Variants in MYO5B observed in about 807,000 individuals in gnomAD.
MYO5B encodes myosin VB, also known as unconventional myosin-Vb.
A neutral mutation model predicts 229.3 loss-of-function variants in MYO5B; 143 were observed. The ratio of observed to expected loss-of-function variants is 0.62; its 90% CI spans 0.54 to 0.72. The LOEUF (loss-of-function observed/expected upper bound fraction) is 0.72, where lower values mean the gene tolerates loss of function less well. Ranked by LOEUF, MYO5B falls within the 30% of genes least tolerant of loss-of-function variation. MYO5B has a pLI of 0.00. For synonymous variants in MYO5B, 918 were observed against 885.2 expected, an observed-to-expected ratio of 1.04 and a Z score of -0.66; for missense variants, 2,321 against 2,331.0, an observed-to-expected ratio of 1.00 and a Z score of 0.09.
intron 1 of MYO5B, among the ~76,000 whole-genome samples, chr18:50,058,190 G>T (rs1198998923): frequency 6.6e-6 from 1 of 152,216 alleles, no homozygotes; most frequent in Admixed American, 6.5e-5. Flanking sequence ...TTGAAGGCCA[G>T]GTGCAGTGGC....
chr18:50,141,611 C>T (rs531133694), intron 1 of MYO5B, among the ~76,000 whole-genome samples: 3 of 152,320 alleles, frequency 2.0e-5, no homozygotes, highest in Non-Finnish European at 4.4e-5. Context: ...CATACCCTAC[C>T]CTATGCATGA....
At chr18:49,955,684 A>G (rs1249085467) in intron 12 of MYO5B, among the ~76,000 whole-genome samples, 3 of 152,264 alleles carry the variant, frequency 2.0e-5, no homozygotes, top group African/African-American at 7.2e-5. Flanking sequence ...TAAACACCAT[A>G]GGAAATTCAA....
At chr18:49,835,919 T>G (rs1430215455) in intron 38 of MYO5B, among the ~76,000 whole-genome samples, 1 of 152,172 alleles carries the variant, frequency 6.6e-6, no homozygotes, top group Non-Finnish European at 1.5e-5. Flanking sequence ...ACTGCCCAAA[T>G]GCAATGCCAG....
At chr18:50,024,684 C>T (rs2026311951) in intron 4 of MYO5B, among the ~76,000 whole-genome samples, 1 of 152,100 alleles carries the variant, frequency 6.6e-6, no homozygotes, top group African/African-American at 2.4e-5. Flanking sequence ...TGCTTTTAAG[C>T]CTGTCCACTG....
chr18:50,185,028 T>C lies in MYO5B; in HGVS notation c.27+9739A>G, dbSNP rs573346417. ...AGATTGAGGCTGTAGTGAGCCATGA[T>C]TGCACCACCACACACACTCCAGCCT... On this transcript the variant is annotated intron_variant, in intron 1 of 39. Coordinates refer to ENST00000285039, the MANE Select transcript of MYO5B (RefSeq NM_001080467.3). Among the ~76,000 whole-genome samples, 5 of 151,932 alleles carry C rather than the reference T, an allele frequency of 3.3e-5. No individual in the cohort carries two copies. In the East Asian group the frequency reaches 7.7e-4, roughly 23 times the overall value.
chr18:49,974,670 C>T (rs1260265482), intron 9 of MYO5B, 55 bp from the exon 10 acceptor site: 17 of 1,579,556 alleles, frequency 1.1e-5, no homozygotes, highest in Non-Finnish European at 1.4e-5. Context: ...AAGCCGCCCC[C>T]CACCAATGTC....
At chr18:50,058,672 G>T (rs767035776) in intron 1 of MYO5B, among the ~76,000 whole-genome samples, 32 of 152,084 alleles carry the variant, frequency 2.1e-4, no homozygotes, top group Non-Finnish European at 4.3e-4. Flanking sequence ...TTAGCCGGGC[G>T]TGGTGGCGGG....
intron 7 of MYO5B, among the ~76,000 whole-genome samples, chr18:49,988,658 T>A (rs1195664470): frequency 1.3e-4 from 20 of 152,140 alleles, no homozygotes; most frequent in South Asian, 2.1e-4. Flanking sequence ...GGGAAAAAAA[T>A]TTCACCTCCT....
chr18:49,946,199 G>A (rs1361811297), intron 14 of MYO5B: 1 of 151,990 alleles, frequency 6.6e-6, no homozygotes, highest in East Asian at 1.9e-4. Flanking sequence ...AGAATTTTGA[G>A]ACCAGAAGTG....
chr18:49,864,198 G>A lies in MYO5B; in HGVS notation c.3786C>T (p.Leu1262=). Residue 1262 remains leucine (L), a synonymous_variant, in exon 28 of 40, where the codon CTC becomes CTT. Transcript: ENST00000285039. ...CGCTCACGATCTGGGTCCTGAGGAT[G>A]AGCACCTCCTCCTTGCGCACCTCGA... The part of the protein sequence containing the change: ...EELEVRKEEV[L]ILRTQIVSAD... The A allele has an allele frequency of 6.2e-7, 1 of 1,613,420 alleles. No individual in the cohort carries two copies. The highest frequency in any genetic ancestry group is 8.5e-7 in the Non-Finnish European group (1 of 1,180,038).
chr18:49,836,981 G>C (rs934710260), intron 37 of MYO5B, 96 bp from the exon 38 acceptor site: 22 of 1,190,188 alleles, frequency 1.8e-5, no homozygotes, highest in Non-Finnish European at 2.6e-5. Context: ...GCTGCAGCTA[G>C]TGCCATTATT....
intron 1 of MYO5B, among the ~76,000 whole-genome samples, chr18:50,177,292 T>TATTACC (rs1394034279): frequency 6.6e-6 from 1 of 152,158 alleles, no homozygotes; most frequent in Admixed American, 6.5e-5. Context: ...ATACTTTGAA[T>TATTACC]ATTACCGTGT....
intron 1 of MYO5B, among the ~76,000 whole-genome samples, chr18:50,187,192 T>G (rs956267463): frequency 6.6e-6 from 1 of 152,230 alleles, no homozygotes. Flanking sequence ...TCCCTTGCCC[T>G]TAATAAAACA....
chr18:49,903,036 A>G (rs1042019147), intron 20 of MYO5B, among the ~76,000 whole-genome samples: 1 of 152,202 alleles, frequency 6.6e-6, no homozygotes, highest in Non-Finnish European at 1.5e-5. Flanking sequence ...ACATATCCAC[A>G]GGGAATCAGC....
At chr18:49,942,353 T>A (rs2025323468) in intron 14 of MYO5B, among the ~76,000 whole-genome samples, 1 of 110,674 alleles carries the variant, frequency 9.0e-6, no homozygotes. Flanking sequence ...AAATGGGATC[T>A]AATTAAACTA....
At position 50,172,243 on chromosome 18, in the gene MYO5B, T is replaced by C. The variant is rs550538029; in HGVS notation, c.27+22524A>G. Among the ~76,000 whole-genome samples, 205 of 142,622 alleles carry C rather than the reference T, an allele frequency of 1.4e-3. 1 individual carries two copies. Among genetic ancestry groups the C allele is most frequent in the African/African-American group, 5.1e-3 (190 of 37,534 alleles). 93.6% of individuals were successfully genotyped at this position (142,622 alleles called of 152,430 possible). On this transcript the variant is annotated intron_variant, in intron 1 of 39. Transcript: ENST00000285039. ...CTGCCGTGAGCCATGATCACGCCAT[T>C]GCACTCCAGCCTAGGTGATAGAGTG...
chr18:49,946,056 T>C (rs754254506), intron 14 of MYO5B, among the ~76,000 whole-genome samples: 3 of 152,116 alleles, frequency 2.0e-5, no homozygotes, highest in Non-Finnish European at 4.4e-5. Flanking sequence ...TGCATAACTA[T>C]ACTATTGGGT....
chr18:49,869,125 G>A (rs2024429584), intron 27 of MYO5B, among the ~76,000 whole-genome samples: 1 of 152,150 alleles, frequency 6.6e-6, no homozygotes, highest in Non-Finnish European at 1.5e-5. Flanking sequence ...TGACTTACCT[G>A]CTCAGGTAGA....
chr18:50,086,351 T>C (rs892978728), intron 1 of MYO5B, among the ~76,000 whole-genome samples: 1 of 152,180 alleles, frequency 6.6e-6, no homozygotes, highest in Admixed American at 6.5e-5. Flanking sequence ...ATATGTAATA[T>C]TGTTTGGTTG....
Sources: allele counts gnomAD v4.1 joint callset (sites outside exome capture counted in the v4.1 genomes callset), GRCh38; gene constraint gnomAD v4.1.1; transcripts MANE v1.5; gene names NCBI Gene and HGNC (gene_info 2026-07-23, HGNC 2026-07-21).